NRAP: variants seen among roughly 807,000 people sequenced by gnomAD.
NRAP encodes the protein nebulin related anchoring protein.
NRAP carries 189 observed loss-of-function variants against 225.9 expected under a neutral mutation model. That is an observed-to-expected ratio of 0.84 (90% CI 0.74 to 0.94). The LOEUF is 0.94. NRAP is among the 40% of genes least tolerant of loss of function. The pLI is 0.00. For synonymous variants in NRAP, 769 were observed against 790.7 expected, an observed-to-expected ratio of 0.97 and a Z score of 0.46; for missense variants, 2,176 against 2,168.7, an observed-to-expected ratio of 1.00 and a Z score of -0.07.
Position 113,605,849 on chromosome 10 carries a change from C to G in NRAP, c.3828G>C (p.Trp1276Cys), listed in dbSNP as rs1223139742. Reference protein sequence around the residue: ...NLSDARYKESWRNLRAQGYKL... With the variant: ...NLSDARYKESCRNLRAQGYKL... Reference sequence around the variant, plus strand: ...TGTAGCCTTGAGCACGAAGATTACGCCAGGACTCTTTGTATCTTGCCTAAA... The same window carrying G: ...TGTAGCCTTGAGCACGAAGATTACGGCAGGACTCTTTGTATCTTGCCTAAA... The change falls in exon 34 of 42, where the codon TGG becomes TGC. Residue 1276 changes from tryptophan (W) to cysteine (C), a missense_variant. By Grantham distance (215) the Trp-to-Cys change is radical. Transcript: ENST00000359988. 4 of 1,613,544 alleles carry G rather than the reference C, an allele frequency of 2.5e-6. No individual in the cohort carries two copies. Among genetic ancestry groups the G allele is most frequent in the Non-Finnish European group, 3.4e-6 (4 of 1,179,524 alleles).
intron 3 of NRAP, among the ~76,000 whole-genome samples, chr10:113,661,913 A>T (rs1481821072): frequency 6.6e-6 from 1 of 152,240 alleles, no homozygotes; most frequent in Admixed American, 6.5e-5. Context: ...CACAGGGAAA[A>T]GTCAAGATCC....
chr10:113,614,289 T>C lies in NRAP; in HGVS notation c.3194A>G (p.Tyr1065Cys). 1 of 1,606,910 alleles carries C rather than the reference T, an allele frequency of 6.2e-7. No homozygotes were observed. Among genetic ancestry groups the C allele is most frequent in the East Asian group, 2.2e-5 (1 of 44,850 alleles). The part of the protein sequence containing the change: ...ASGEIISDYK[Y>C]KEAFEKMKGQ... Reference sequence around the variant, plus strand: ...TTTCATTTTCTCAAATGCCTCTTTGTATTTGTACTAAAGGGAAAGAGAGCG... The same window carrying C: ...TTTCATTTTCTCAAATGCCTCTTTGCATTTGTACTAAAGGGAAAGAGAGCG... The change falls in exon 29 of 42, where the codon TAC becomes TGC. Residue 1065 changes from tyrosine (Y) to cysteine (C), a missense_variant. Physicochemically the swap from Tyr to Cys is radical, Grantham distance 194 (BLOSUM62 -2). Coordinates refer to ENST00000359988, the MANE Select transcript of NRAP (RefSeq NM_198060.4).
intron 14 of NRAP, among the ~76,000 whole-genome samples, chr10:113,637,578 G>A (rs900283484): frequency 3.3e-5 from 5 of 152,182 alleles, no homozygotes; most frequent in South Asian, 2.1e-4. Flanking sequence ...TAGAAATAAC[G>A]AAGTGCTCCT....
chr10:113,603,037 C>T lies in NRAP; in HGVS notation c.4227+1572G>A, dbSNP rs542616680. On this transcript the variant is annotated intron_variant, in intron 35 of 41. Transcript: ENST00000359988. Reference sequence around the variant, plus strand: ...CCTGCAAAAATGTCAAAGGTGCAGACGTTGAGAAACCCTGACACAGATGGC... The same window carrying T: ...CCTGCAAAAATGTCAAAGGTGCAGATGTTGAGAAACCCTGACACAGATGGC... Among the ~76,000 whole-genome samples the T allele has an allele frequency of 9.2e-5, 14 of 152,300 alleles. 1 individual carries two copies. In the South Asian group the frequency reaches 1.0e-3, roughly 11 times the overall value.
At chr10:113,593,214 G>A (rs7078999) in intron 38 of NRAP, among the ~76,000 whole-genome samples, 38,767 of 151,926 alleles carry the variant, frequency 0.26, 5,163 homozygotes, top group East Asian at 0.44. Flanking sequence ...TTGCTCACTC[G>A]TTCCACGAGC....
At chr10:113,610,658 C>T (rs1368894425) in intron 30 of NRAP, 95 bp from the exon 31 acceptor site, 2 of 724,550 alleles carry the variant, frequency 2.8e-6, no homozygotes, top group Non-Finnish European at 4.9e-6. Context: ...CAGCATCTGA[C>T]AGCGTCATAA....
chr10:113,638,891 C>T (rs1027703821), intron 14 of NRAP, among the ~76,000 whole-genome samples: 9 of 152,036 alleles, frequency 5.9e-5, no homozygotes, highest in East Asian at 1.9e-4. Flanking sequence ...CAGACTTCCC[C>T]GGGTGGGCTT....
intron 35 of NRAP, among the ~76,000 whole-genome samples, chr10:113,603,311 G>A (rs1846722058): frequency 6.6e-6 from 1 of 152,102 alleles, no homozygotes; most frequent in African/African-American, 2.4e-5. Context: ...CATGATGTGG[G>A]AGGGGCCAGT....
At chr10:113,617,152 A>G (rs1847713762) in intron 26 of NRAP, among the ~76,000 whole-genome samples, 1 of 152,182 alleles carries the variant, frequency 6.6e-6, no homozygotes, top group African/African-American at 2.4e-5. Context: ...ACTTTCAGGC[A>G]AAAGGAGAGG....
intron 19 of NRAP, 34 bp downstream of exon 19, chr10:113,629,554 A>C: frequency 7.0e-7 from 1 of 1,420,492 alleles, no homozygotes; most frequent in Non-Finnish European, 1.0e-6. Context: ...ACTGCAAGAG[A>C]TGCATGAAGA....
Position 113,662,773 on chromosome 10 carries a change from C to G in NRAP, c.168-7G>C. The G allele has an allele frequency of 6.9e-7, 1 of 1,457,428 alleles. No individual in the cohort carries two copies. Among genetic ancestry groups the G allele is most frequent in the Non-Finnish European group, 9.6e-7 (1 of 1,042,518 alleles). 90.3% of individuals were successfully genotyped at this position (1,457,428 alleles called of 1,614,324 possible). On this transcript the variant is annotated splice_polypyrimidine_tract_variant and splice_region_variant and intron_variant, in intron 2 of 41. Coordinates refer to ENST00000359988, the MANE Select transcript of NRAP (RefSeq NM_198060.4). ...GTTGTTCTTAGGGTTATGGCTACAA[C>G]AAATAGGTATAAATCAAAATTAGAA...
intron 6 of NRAP, among the ~76,000 whole-genome samples, chr10:113,652,609 A>G (rs1270417771): frequency 8.6e-5 from 13 of 151,908 alleles, no homozygotes; most frequent in Non-Finnish European, 1.9e-4. Context: ...AAAAATAAAA[A>G]TAAAATAAAA....
rs112359529 is a variant in NRAP, at chr10:113,654,152, C to T, written c.361-27G>A. 453 of 1,321,882 alleles carry T rather than the reference C, an allele frequency of 3.4e-4. No individual in the cohort carries two copies. In the African/African-American group the frequency reaches 4.6e-3, roughly 13 times the overall value. The allele number at this position is 1,321,882 out of a possible 1,614,324, so 81.9% of individuals were successfully genotyped here. Reference sequence around the variant, plus strand: ...TACAAAGGAAGCACATGAAGGGATACAAACACATGCCCCAGACTCCCAGCA... The same window carrying T: ...TACAAAGGAAGCACATGAAGGGATATAAACACATGCCCCAGACTCCCAGCA... On this transcript the variant is annotated intron_variant, in intron 4 of 41. Transcript: ENST00000359988.
At chr10:113,655,101 C>T (rs1040111532) in intron 4 of NRAP, among the ~76,000 whole-genome samples, 1 of 152,174 alleles carries the variant, frequency 6.6e-6, no homozygotes, top group African/African-American at 2.4e-5. Flanking sequence ...TTATACTCAA[C>T]CTGACTAGCA....
At chr10:113,617,095 C>T (rs529055388) in intron 26 of NRAP, among the ~76,000 whole-genome samples, 5 of 152,292 alleles carry the variant, frequency 3.3e-5, no homozygotes, top group South Asian at 2.1e-4. Flanking sequence ...CTAAGCACAG[C>T]GTCAGGATTC....
intron 20 of NRAP, among the ~76,000 whole-genome samples, chr10:113,626,748 G>C (rs764356684): frequency 6.6e-5 from 10 of 152,222 alleles, no homozygotes; most frequent in Admixed American, 1.3e-4. Context: ...CAGAGCCACA[G>C]ACAGAAGCCT....
chr10:113,618,677 T>C (rs1174024703), intron 25 of NRAP, among the ~76,000 whole-genome samples: 1 of 152,232 alleles, frequency 6.6e-6, no homozygotes, highest in East Asian at 1.9e-4. Flanking sequence ...CCGAGTGCAG[T>C]GGCTCACGCC....
At chr10:113,638,162 A>C (rs1434570529) in intron 14 of NRAP, among the ~76,000 whole-genome samples, 1 of 152,202 alleles carries the variant, frequency 6.6e-6, no homozygotes, top group African/African-American at 2.4e-5. Context: ...ATAAAATGTC[A>C]CAAATACTAT....
At position 113,598,015 on chromosome 10, in the gene NRAP, G is replaced by A. The variant is rs1305836754; in HGVS notation, c.4286C>T (p.Ser1429Phe). 3 of 1,613,756 alleles carry A rather than the reference G, an allele frequency of 1.9e-6. No individual in the cohort carries two copies. In the Admixed American group the frequency reaches 5.0e-5, roughly 27 times the overall value. The change falls in exon 36 of 42, where the codon TCC becomes TTC. Residue 1429 changes from serine to phenylalanine, a missense_variant. Around this residue, in one of 3 missense-constraint regions of NRAP, gnomAD observed 445 missense variants for 426.1 expected, o/e 1.04. Coordinates refer to ENST00000359988, the MANE Select transcript of NRAP (RefSeq NM_198060.4). The part of the protein sequence containing the change: ...MKGIGWLALR[S>F]PQMESAKKAG... ...CTTCTTTGCACTCTCCATCTGTGGG[G>A]ATCTCAGCGCCAGCCATCCTATGCC...
Sources: allele counts gnomAD v4.1 joint callset (sites outside exome capture counted in the v4.1 genomes callset), GRCh38; gene constraint gnomAD v4.1.1; regional missense constraint gnomAD v4.1.1; transcripts MANE v1.5; gene names NCBI Gene and HGNC (gene_info 2026-07-23, HGNC 2026-07-21).